The following FRAS1 variants were observed in gnomAD, a reference collection of about 807,000 sequenced individuals.
FRAS1 encodes the protein Fraser extracellular matrix complex subunit 1, also known as extracellular matrix organizing protein FRAS1.
FRAS1 carries 290 observed loss-of-function variants against 435.2 expected under a neutral mutation model. That is an observed-to-expected ratio of 0.67 (90% CI 0.61 to 0.73). The LOEUF (loss-of-function observed/expected upper bound fraction) is 0.73, where lower values mean the gene tolerates loss of function less well. Ranked by LOEUF, FRAS1 falls within the 30% of genes least tolerant of loss-of-function variation. The pLI is 0.00. For synonymous variants in FRAS1, 1,800 were observed against 1,851.0 expected (o/e 0.97, Z 0.71); for missense variants, 4,860 against 5,001.5 (o/e 0.97, Z 0.85).
intron 58 of FRAS1, among the ~76,000 whole-genome samples, chr4:78,488,461 A>G (rs955088590): frequency 6.6e-6 from 1 of 152,184 alleles, no homozygotes; most frequent in African/African-American, 2.4e-5. Flanking sequence ...CCAGATTTGC[A>G]CTGCTGTTTT....
Position 78,385,701 on chromosome 4 carries a change from A to G in FRAS1, c.3648+1558A>G, listed in dbSNP as rs190146495. Among the ~76,000 whole-genome samples, 1,390 of 152,220 alleles carry G rather than the reference A, an allele frequency of 9.1e-3. 21 individuals carry two copies. The highest frequency in any genetic ancestry group is 0.031 in the African/African-American group (1,293 of 41,536). ...GAAGTTCGAGACCAGCCTGGCAAAC[A>G]TGGTGAAACCGCGTCTCTACTGAAA... On this transcript the variant is annotated intron_variant, in intron 28 of 73. Coordinates refer to ENST00000512123, the MANE Select transcript of FRAS1 (RefSeq NM_025074.7).
At chr4:78,337,873 T>G (rs755968503) in intron 20 of FRAS1, 56 bp downstream of exon 20, 1 of 1,589,098 alleles carries the variant, frequency 6.3e-7, no homozygotes, top group Non-Finnish European at 8.6e-7. Context: ...CCGGGGCTCT[T>G]CATACCAGGC....
rs180727747 is a variant in FRAS1 at position 78,342,496 on chromosome 4, G to T, written c.2422+4679G>T. On this transcript the variant is annotated intron_variant, in intron 20 of 73. Transcript: ENST00000512123. ...GAGGCAGCTGTGCATAATTGCGGGA[G>T]ACACAGTTACTTTCTATATGGAAAG... Among the ~76,000 whole-genome samples, 4 of 152,278 alleles carry T rather than the reference G, an allele frequency of 2.6e-5. No homozygotes were observed. In the East Asian group the frequency reaches 7.7e-4, roughly 29 times the overall value.
At chr4:78,114,414 C>A (rs1192399929) in intron 2 of FRAS1, among the ~76,000 whole-genome samples, 1 of 152,066 alleles carries the variant, frequency 6.6e-6, no homozygotes, top group Non-Finnish European at 1.5e-5. Flanking sequence ...TATAAATTAC[C>A]TTGGGAAGTA....
At chr4:78,273,148 T>A (rs1726802000) in intron 9 of FRAS1, among the ~76,000 whole-genome samples, 1 of 152,214 alleles carries the variant, frequency 6.6e-6, no homozygotes, top group South Asian at 2.1e-4. Context: ...GCTTGTGATT[T>A]TTGCATATCG....
At chr4:78,160,187 T>C (rs1048784474) in intron 2 of FRAS1, among the ~76,000 whole-genome samples, 8 of 152,228 alleles carry the variant, frequency 5.3e-5, no homozygotes, top group Admixed American at 5.2e-4. Context: ...GAAAAAAGCC[T>C]AAGTAATGTG....
intron 2 of FRAS1, among the ~76,000 whole-genome samples, chr4:78,126,051 C>G (rs143127353): frequency 9.2e-5 from 14 of 152,290 alleles, no homozygotes; most frequent in Non-Finnish European, 1.9e-4. Context: ...TTCGAGCTTC[C>G]CTGCTGCTTT....
In FRAS1 at chr4:78,363,550, C is replaced by G. The variant is rs1731157503; in HGVS notation, c.2460C>G (p.Leu820=). 6.2e-7 allele frequency: 1 copy of G among 1,613,492 alleles called. No individual in the cohort carries two copies. Among genetic ancestry groups the G allele is most frequent in the African/African-American group, 1.3e-5 (1 of 75,032 alleles). The stretch of plus-strand genomic sequence containing the variant: ...TGTGCCAGCACTGTGCAGCTGATCT[C>G]CACAACACTGGGAGCATCTGCCTCA... ...HHLCQHCAAD[L]HNTGSICLRC... Residue 820 remains leucine (L), a synonymous_variant, in exon 21 of 74, where the codon CTC becomes CTG. Transcript: ENST00000512123.
chr4:78,539,838 G>C (rs1044844341), intron 73 of FRAS1, among the ~76,000 whole-genome samples: 1 of 152,142 alleles, frequency 6.6e-6, no homozygotes, highest in Non-Finnish European at 1.5e-5. Context: ...ATTACTATTT[G>C]ATAAACACAA....
intron 38 of FRAS1, among the ~76,000 whole-genome samples, chr4:78,436,977 A>G (rs1734455600): frequency 6.6e-6 from 1 of 152,186 alleles, no homozygotes; most frequent in African/African-American, 2.4e-5. Flanking sequence ...TACAAAAGGG[A>G]TAAGAAGATC....
At chr4:78,503,966 T>C (rs1720754647) in intron 61 of FRAS1, among the ~76,000 whole-genome samples, 1 of 152,238 alleles carries the variant, frequency 6.6e-6, no homozygotes, top group Non-Finnish European at 1.5e-5. Context: ...CTTAATTTCA[T>C]TATGTACCCA....
chr4:78,130,475 C>T (rs114912748), intron 2 of FRAS1, among the ~76,000 whole-genome samples: 1,551 of 152,264 alleles, frequency 0.01, 30 homozygotes, highest in African/African-American at 0.035. Context: ...CAGATCAGAA[C>T]GTGCACACTT....
chr4:78,301,914 T>A lies in FRAS1; in HGVS notation c.1535-6152T>A, dbSNP rs147812758. ...ACATGTGCACAATGTGCTGGTTAGT[T>A]ACATACGTATACATGTGCAATGCTG... On this transcript the variant is annotated intron_variant, in intron 14 of 73. Transcript: ENST00000512123. Among the ~76,000 whole-genome samples the A allele has an allele frequency of 1.2e-3, 186 of 150,972 alleles. 5 individuals are homozygous for A. In the East Asian group the frequency reaches 0.035, roughly 29 times the overall value.
intron 14 of FRAS1, among the ~76,000 whole-genome samples, chr4:78,296,697 A>C (rs998623348): frequency 2.0e-5 from 3 of 152,118 alleles, no homozygotes; most frequent in African/African-American, 7.2e-5. Flanking sequence ...GCAGGCTGTA[A>C]TTCTTCCCTT....
chr4:78,185,505 G>A (rs920393964), intron 2 of FRAS1, among the ~76,000 whole-genome samples: 2 of 152,062 alleles, frequency 1.3e-5, no homozygotes, highest in African/African-American at 2.4e-5. Context: ...GTAAGCTTAG[G>A]TTATTAGCTT....
At position 78,508,910 on chromosome 4, in the gene FRAS1, C is replaced by T; in HGVS notation, c.9684C>T (p.Phe3228=). Residue 3228 remains phenylalanine, a synonymous_variant, in exon 63 of 74, where the codon TTC becomes TTT. Coordinates refer to ENST00000512123, the MANE Select transcript of FRAS1 (RefSeq NM_025074.7). The stretch of plus-strand genomic sequence containing the variant: ...GCATCAACCAGACATCTGTGCAGTT[C>T]AGCTGGGAAGTGGCTGCCCCCACTG... ...EAGINQTSVQ[F]SWEVAAPTDG... is the part of the protein sequence containing the mutation. The T allele has an allele frequency of 6.2e-7, 1 of 1,613,950 alleles. No homozygotes were observed. Among genetic ancestry groups the T allele is most frequent in the Non-Finnish European group, 8.5e-7 (1 of 1,179,886 alleles).
At chr4:78,355,134 C>T (rs1000768590) in intron 20 of FRAS1, among the ~76,000 whole-genome samples, 1 of 152,054 alleles carries the variant, frequency 6.6e-6, no homozygotes, top group Non-Finnish European at 1.5e-5. Flanking sequence ...CAATTGGAAT[C>T]TTCTGCTTGC....
chr4:78,484,872 A>G (rs1353675972), intron 58 of FRAS1, among the ~76,000 whole-genome samples: 2 of 152,210 alleles, frequency 1.3e-5, no homozygotes, highest in Admixed American at 1.3e-4. Flanking sequence ...TCCTCCTTGC[A>G]TTATATACTA....
chr4:78,374,577 T>C (rs950452263), intron 25 of FRAS1, among the ~76,000 whole-genome samples: 2 of 152,238 alleles, frequency 1.3e-5, no homozygotes, highest in African/African-American at 4.8e-5. Context: ...CCTGTTGATA[T>C]AGACATAGAA....
Sources: allele counts gnomAD v4.1 joint callset (sites outside exome capture counted in the v4.1 genomes callset), GRCh38; gene constraint gnomAD v4.1.1; transcripts MANE v1.5; gene names NCBI Gene and HGNC (gene_info 2026-07-23, HGNC 2026-07-21).